Variants in RIMBP2 observed in about 807,000 individuals in gnomAD.
RIMBP2 encodes RIMS-binding protein 2.
In RIMBP2, 48 loss-of-function variants were observed where a neutral mutation model predicts 118.6. That is an observed-to-expected ratio of 0.40 (90% CI 0.32 to 0.51). The LOEUF (loss-of-function observed/expected upper bound fraction) is 0.51, where lower values mean the gene tolerates loss of function less well. Ranked by LOEUF, RIMBP2 falls within the 20% of genes least tolerant of loss-of-function variation. The pLI, the probability that RIMBP2 is intolerant of heterozygous loss-of-function variation, is 0.41. For synonymous variants in RIMBP2, 762 were observed against 742.9 expected, an observed-to-expected ratio of 1.03 and a Z score of -0.42; for missense variants, 1,551 against 1,768.3, an observed-to-expected ratio of 0.88 and a Z score of 2.20.
At chr12:130,453,053 C>G (rs1039262216) in intron 7 of RIMBP2, among the ~76,000 whole-genome samples, 8 of 152,190 alleles carry the variant, frequency 5.3e-5, no homozygotes, top group African/African-American at 9.7e-5. Flanking sequence ...GGTAATGCTT[C>G]AAAATACGTA....
At chr12:130,616,595 G>A (rs1594054715) in intron 2 of RIMBP2, among the ~76,000 whole-genome samples, 1 of 152,168 alleles carries the variant, frequency 6.6e-6, no homozygotes. Flanking sequence ...TCTACTGGGC[G>A]CCCAAATGTG....
chr12:130,518,373 C>T (rs534200715), intron 2 of RIMBP2, among the ~76,000 whole-genome samples: 12 of 152,296 alleles, frequency 7.9e-5, no homozygotes, highest in South Asian at 4.2e-4. Flanking sequence ...ATGTGGTGAG[C>T]GGAACTTCTG....
chr12:130,616,913 G>T (rs1268852219), intron 2 of RIMBP2, among the ~76,000 whole-genome samples: 4 of 152,208 alleles, frequency 2.6e-5, no homozygotes, highest in African/African-American at 9.6e-5. Flanking sequence ...GGAAGGAAAG[G>T]TTTTCGGGGA....
chr12:130,532,408 C>T (rs550561628), intron 2 of RIMBP2, among the ~76,000 whole-genome samples: 9 of 150,184 alleles, frequency 6.0e-5, no homozygotes, highest in Non-Finnish European at 1.0e-4. Context: ...CTAGGAGTTA[C>T]GTCTAATGAG....
chr12:130,679,457 C>A (rs1027069347), intron 1 of RIMBP2, among the ~76,000 whole-genome samples: 2 of 152,224 alleles, frequency 1.3e-5, no homozygotes, highest in African/African-American at 4.8e-5. Context: ...TAAACATCCA[C>A]GTTTGCACAA....
chr12:130,454,609 A>G (rs1031682446), intron 7 of RIMBP2, among the ~76,000 whole-genome samples: 1 of 152,268 alleles, frequency 6.6e-6, no homozygotes, highest in Non-Finnish European at 1.5e-5. Context: ...CGTCTTCCAG[A>G]CAGTTGTTAA....
chr12:130,478,470 C>T lies in RIMBP2; in HGVS notation c.102+442G>A, dbSNP rs192251132. On this transcript the variant is annotated intron_variant, in intron 5 of 22. Transcript: ENST00000690449. Reference sequence around the variant, plus strand: ...GGTCCAGTCCCTGTCCCCACTGCCACACAGCAGCACTGCAAGAAAACAAAA... The same window carrying T: ...GGTCCAGTCCCTGTCCCCACTGCCATACAGCAGCACTGCAAGAAAACAAAA... Among the ~76,000 whole-genome samples the T allele has an allele frequency of 1.3e-4, 20 of 152,312 alleles. No homozygotes were observed. In the East Asian group the frequency reaches 3.5e-3, roughly 27 times the overall value.
rs982561990 is a variant in RIMBP2, at chr12:130,670,466, C to G, written c.-351-42010G>C. ...TCTCTCCTAGCTCTGGGCCCAAGGC[C>G]TTGGTATGTGCAGCTCCCTCCAACT... On this transcript the variant is annotated intron_variant, in intron 1 of 22. Coordinates refer to ENST00000690449, the MANE Select transcript of RIMBP2 (RefSeq NM_001393629.1). The surrounding 1 kb of genome is among the most constrained non-coding windows in gnomAD (Gnocchi z 4.9). 1.3e-5 allele frequency among the ~76,000 whole-genome samples: 2 copies of G among 152,118 alleles called. No homozygotes were observed. The highest frequency in any genetic ancestry group is 1.3e-4 in the Admixed American group (2 of 15,276).
chr12:130,499,890 G>C (rs1323701853), intron 4 of RIMBP2, among the ~76,000 whole-genome samples: 1 of 152,188 alleles, frequency 6.6e-6, no homozygotes, highest in East Asian at 1.9e-4. Flanking sequence ...CAAAGTGGTT[G>C]CTCAATATTT....
At chr12:130,702,534 T>G (rs11061098) in intron 1 of RIMBP2, among the ~76,000 whole-genome samples, 2 of 66,638 alleles carry the variant, frequency 3.0e-5, no homozygotes, top group African/African-American at 5.9e-5. Flanking sequence ...AATAAAAAAA[T>G]AAAAAACAAG....
In RIMBP2 at chr12:130,617,705, C is replaced by T. The variant is rs565506590; in HGVS notation, c.-217+10617G>A. Among the ~76,000 whole-genome samples the T allele has an allele frequency of 2.0e-5, 3 of 152,352 alleles. No homozygotes were observed. In the East Asian group the frequency reaches 5.8e-4, roughly 29 times the overall value. ...CTGACGCTAAGCAGCCCAGCACCTT[C>T]AGTCCTCGAAGGTCCGCAGATGCAC... On this transcript the variant is annotated intron_variant, in intron 2 of 22. Transcript: ENST00000690449. The surrounding 1 kb of genome is among the most constrained non-coding windows in gnomAD (Gnocchi z 4.6).
chr12:130,407,022 CAG>C (rs767816716), intron 20 of RIMBP2, among the ~76,000 whole-genome samples: 49 of 152,242 alleles, frequency 3.2e-4, no homozygotes, highest in Non-Finnish European at 6.5e-4. Context: ...CCACTGCCCT[CAG>C]GGGTCCAACT....
intron 2 of RIMBP2, among the ~76,000 whole-genome samples, chr12:130,582,502 G>T (rs1255480340): frequency 6.6e-6 from 1 of 152,228 alleles, no homozygotes; most frequent in African/African-American, 2.4e-5. Flanking sequence ...TCCCCCAAGA[G>T]GGATGACGCA....
chr12:130,422,545 G>T lies in RIMBP2; in HGVS notation c.3146C>A (p.Ala1049Asp). 3 of 1,608,736 alleles carry T rather than the reference G, an allele frequency of 1.9e-6. No individual in the cohort carries two copies. Among genetic ancestry groups the T allele is most frequent in the Non-Finnish European group, 2.5e-6 (3 of 1,177,446 alleles). ...CATGTGATCCACCCGTCCTGCAGAG[G>T]CTGGGTTCCCTAAAATCTAAAGACA... is the stretch of plus-strand genomic sequence containing the variant. ...AQGPLILGNP[A>D]SAGRVDHMGR... The change falls in exon 17 of 23, where the codon GCC (alanine) becomes GAC (aspartate). Residue 1049 changes from alanine to aspartate, a missense_variant. Ala to Asp is a moderately radical substitution (Grantham distance 126, BLOSUM62 -2). Transcript: ENST00000690449. This position sits in a 1 kb window ranked among gnomAD's most constrained non-coding sequence, Gnocchi z 5.2.
intron 4 of RIMBP2, among the ~76,000 whole-genome samples, chr12:130,504,811 C>A (rs2050148203): frequency 6.6e-6 from 1 of 152,214 alleles, no homozygotes; most frequent in Non-Finnish European, 1.5e-5. Context: ...CTGATCTGCA[C>A]GGATCTGCGC....
chr12:130,575,979 G>A (rs1439123631), intron 2 of RIMBP2, among the ~76,000 whole-genome samples: 1 of 152,222 alleles, frequency 6.6e-6, no homozygotes, highest in African/African-American at 2.4e-5. Context: ...CAGAGCAGAG[G>A]AGAATGAGGG....
At chr12:130,637,205 C>T (rs2062390227) in intron 1 of RIMBP2, among the ~76,000 whole-genome samples, 1 of 152,188 alleles carries the variant, frequency 6.6e-6, no homozygotes, top group African/African-American at 2.4e-5. Context: ...GATCACCTCT[C>T]AGCAGAGGCT....
chr12:130,476,397 T>C (rs2081429375), intron 5 of RIMBP2, among the ~76,000 whole-genome samples: 1 of 152,162 alleles, frequency 6.6e-6, no homozygotes, highest in Non-Finnish European at 1.5e-5. Context: ...GACTGGTGAC[T>C]TCTATCTTGG....
rs753819226 is a variant in RIMBP2, at chr12:130,422,587, G to A, written c.3130-26C>T. On this transcript the variant is annotated intron_variant, in intron 16 of 22. Transcript: ENST00000690449. The surrounding 1 kb of genome is among the most constrained non-coding windows in gnomAD (Gnocchi z 5.2). ...CTAAAGACAAAACAACAACAAAGTCGTAAGTCTCGCCAGCATTGGGAACTG... is the reference window on the plus strand; with the variant it reads ...CTAAAGACAAAACAACAACAAAGTCATAAGTCTCGCCAGCATTGGGAACTG... The A allele has an allele frequency of 4.4e-5, 67 of 1,516,304 alleles. 1 individual carries two copies. Among genetic ancestry groups the A allele is most frequent in the Middle Eastern group, 1.7e-4 (1 of 5,890 alleles). The allele number at this position is 1,516,304 out of a possible 1,614,324, so 93.9% of individuals were successfully genotyped here.
Sources: allele counts gnomAD v4.1 joint callset (sites outside exome capture counted in the v4.1 genomes callset), GRCh38; gene constraint gnomAD v4.1.1; non-coding constraint Gnocchi (gnomAD v3.1); transcripts MANE v1.5; gene names NCBI Gene and HGNC (gene_info 2026-07-23, HGNC 2026-07-21).